Variants in CHRM3 observed in about 807,000 individuals in gnomAD.
CHRM3 encodes cholinergic receptor muscarinic 3.
A neutral mutation model predicts 41.8 loss-of-function variants in CHRM3; 11 were observed. That is an observed-to-expected ratio of 0.26 (90% CI 0.17 to 0.44). CHRM3 has a LOEUF of 0.44. Among genes scored for constraint, CHRM3 ranks in the 20% least tolerant of loss-of-function variants. CHRM3 has a pLI of 1.00. For missense variants in CHRM3, 571 were observed against 745.4 expected (o/e 0.77, Z 2.72); for synonymous variants, 297 against 301.4 (o/e 0.99, Z 0.15).
intron 6 of CHRM3, among the ~76,000 whole-genome samples, chr1:239,866,068 G>A (rs907515057): frequency 1.3e-5 from 2 of 152,078 alleles, no homozygotes; most frequent in Middle Eastern, 3.2e-3. Context: ...GAAAACGCGA[G>A]GCTTGGAGTG....
At chr1:239,715,958 G>A (rs1662310986) in intron 5 of CHRM3, among the ~76,000 whole-genome samples, 1 of 152,048 alleles carries the variant, frequency 6.6e-6, no homozygotes, top group Non-Finnish European at 1.5e-5. Context: ...TGAAGACCAG[G>A]GCTTTGTACC....
At chr1:239,898,984 G>C (rs1243856782) in intron 6 of CHRM3, among the ~76,000 whole-genome samples, 2 of 151,918 alleles carry the variant, frequency 1.3e-5, no homozygotes, top group Non-Finnish European at 2.9e-5. Context: ...AAACTTTTTT[G>C]TCTTTTTTCA....
chr1:239,650,281 T>C (rs1672117303), intron 4 of CHRM3, among the ~76,000 whole-genome samples: 1 of 152,250 alleles, frequency 6.6e-6, no homozygotes, highest in Non-Finnish European at 1.5e-5. Context: ...TTTCATAGTA[T>C]AATACCTGCT....
chr1:239,839,306 T>C (rs754370086), intron 6 of CHRM3, among the ~76,000 whole-genome samples: 1 of 152,186 alleles, frequency 6.6e-6, no homozygotes, highest in Non-Finnish European at 1.5e-5. Context: ...GATGATTCAA[T>C]AGTGTGTTGT....
chr1:239,861,406 G>T (rs1445294894), intron 6 of CHRM3, among the ~76,000 whole-genome samples: 1 of 151,990 alleles, frequency 6.6e-6, no homozygotes, highest in Non-Finnish European at 1.5e-5. Context: ...TGGACAAAAA[G>T]AACATTCCAG....
At chr1:239,393,927 A>G (rs1659262715) in intron 1 of CHRM3, among the ~76,000 whole-genome samples, 1 of 152,212 alleles carries the variant, frequency 6.6e-6, no homozygotes, top group African/African-American at 2.4e-5. Context: ...CTATCTACCT[A>G]TCAATTATCT....
chr1:239,664,651 C>A (rs1435399195), intron 4 of CHRM3, among the ~76,000 whole-genome samples: 3 of 152,154 alleles, frequency 2.0e-5, no homozygotes, highest in African/African-American at 7.2e-5. Flanking sequence ...CAGTCTCCCT[C>A]CCTGGGTAGC....
chr1:239,489,054 TCTC>T (rs1305654046), intron 1 of CHRM3, among the ~76,000 whole-genome samples: 7 of 152,318 alleles, frequency 4.6e-5, no homozygotes, highest in South Asian at 2.1e-4. Context: ...TTTTCAAACT[TCTC>T]CTCGATCTTC....
intron 6 of CHRM3, among the ~76,000 whole-genome samples, chr1:239,903,839 G>T (rs184428230): frequency 1.3e-5 from 2 of 152,264 alleles, no homozygotes; most frequent in East Asian, 3.9e-4. Context: ...TCCTGCCTGG[G>T]TCTTCTTCAT....
chr1:239,844,562 A>G (rs887706124), intron 6 of CHRM3, among the ~76,000 whole-genome samples: 1 of 152,184 alleles, frequency 6.6e-6, no homozygotes, highest in Non-Finnish European at 1.5e-5. Context: ...TTTTAACTCA[A>G]ATTCAGGAAG....
At chr1:239,822,467 A>G (rs1257377564) in intron 5 of CHRM3, among the ~76,000 whole-genome samples, 1 of 152,200 alleles carries the variant, frequency 6.6e-6, no homozygotes, top group Non-Finnish European at 1.5e-5. Flanking sequence ...CGGTGATTAT[A>G]ATGATTTATC....
chr1:239,591,591 T>C (rs1030325597), intron 3 of CHRM3, among the ~76,000 whole-genome samples: 1 of 151,446 alleles, frequency 6.6e-6, no homozygotes, highest in Non-Finnish European at 1.5e-5. Flanking sequence ...ATGCGTGCCG[T>C]CTTTTCTTGG....
chr1:239,900,907 G>C (rs1235681911), intron 6 of CHRM3, among the ~76,000 whole-genome samples: 4 of 152,152 alleles, frequency 2.6e-5, no homozygotes, highest in African/African-American at 9.7e-5. Flanking sequence ...CCTCGAAGCT[G>C]CCTGTTGTGG....
chr1:239,654,716 T>C (rs1385011242), intron 4 of CHRM3, among the ~76,000 whole-genome samples: 1 of 152,150 alleles, frequency 6.6e-6, no homozygotes, highest in African/African-American at 2.4e-5. Context: ...TGTTTCTGAA[T>C]TGGGAATGGA....
chr1:239,831,605 C>T (rs529697600), intron 6 of CHRM3, among the ~76,000 whole-genome samples: 2 of 152,268 alleles, frequency 1.3e-5, no homozygotes, highest in South Asian at 2.1e-4. Flanking sequence ...ACTGATGGAA[C>T]TGTTGAGAAT....
At position 239,611,153 on chromosome 1, in the gene CHRM3, C is replaced by CAAAT. The variant is rs1198764624; in HGVS notation, c.-312-21058_-312-21055dup. On this transcript the variant is annotated intron_variant, in intron 3 of 6. Transcript: ENST00000676153. ...TTTCCTCCTCCAATGAACCTTTGTA[C>CAAAT]AAATAAATAAATAAATTTGAGCTGT... Among the ~76,000 whole-genome samples the CAAAT allele has an allele frequency of 4.6e-5, 7 of 152,098 alleles. No homozygotes were observed. The East Asian group carries it at 1.2e-3, about 25-fold the overall frequency.
At chr1:239,765,089 A>G (rs1056402339) in intron 5 of CHRM3, among the ~76,000 whole-genome samples, 1 of 152,202 alleles carries the variant, frequency 6.6e-6, no homozygotes, top group Non-Finnish European at 1.5e-5. Flanking sequence ...GTTATTAGTA[A>G]TTCCTAATTT....
chr1:239,727,697 G>A (rs1258809863), intron 5 of CHRM3: 2 of 151,820 alleles, frequency 1.3e-5, no homozygotes, highest in East Asian at 3.9e-4. Context: ...ATTAAGGCCA[G>A]TGGCGAGTCT....
At chr1:239,654,228 G>A (rs1455038933) in intron 4 of CHRM3, among the ~76,000 whole-genome samples, 5 of 152,116 alleles carry the variant, frequency 3.3e-5, no homozygotes, top group African/African-American at 1.2e-4. Context: ...CTTAGGCCTC[G>A]TAAATCCTGG....
Sources: allele counts gnomAD v4.1 joint callset (sites outside exome capture counted in the v4.1 genomes callset), GRCh38; gene constraint gnomAD v4.1.1; transcripts MANE v1.5; gene names NCBI Gene and HGNC (gene_info 2026-07-23, HGNC 2026-07-21).